LARGE1: variants seen among roughly 807,000 people sequenced by gnomAD.
LARGE1 encodes LARGE xylosyl- and glucuronyltransferase 1.
A neutral mutation model predicts 87.6 loss-of-function variants in LARGE1; 43 were observed. The ratio of observed to expected loss-of-function variants is 0.49; its 90% CI spans 0.38 to 0.63. LARGE1 has a LOEUF of 0.63. Among genes scored for constraint, LARGE1 ranks in the 30% least tolerant of loss-of-function variants. The pLI, the probability that LARGE1 is intolerant of heterozygous loss-of-function variation, is 0.00. For synonymous variants in LARGE1, 434 were observed against 394.6 expected (o/e 1.10, Z -1.18); for missense variants, 802 against 1,000.2 (o/e 0.80, Z 2.67).
At chr22:33,774,692 T>C (rs907934449) in intron 1 of LARGE1, among the ~76,000 whole-genome samples, 1 of 152,232 alleles carries the variant, frequency 6.6e-6, no homozygotes, top group Non-Finnish European at 1.5e-5. Flanking sequence ...TAACCTAGTA[T>C]GCTTAATATA....
intron 9 of LARGE1, among the ~76,000 whole-genome samples, chr22:33,351,322 G>A (rs1433113539): frequency 6.6e-6 from 1 of 152,248 alleles, no homozygotes; most frequent in Non-Finnish European, 1.5e-5. Context: ...CTGCATCAAT[G>A]CAGAAGGCAT....
chr22:33,344,529 A>T (rs1250454147), intron 9 of LARGE1, among the ~76,000 whole-genome samples: 1 of 152,152 alleles, frequency 6.6e-6, no homozygotes, highest in Non-Finnish European at 1.5e-5. Context: ...ACTTACCGAG[A>T]GTCACACAGC....
At chr22:33,663,142 A>G (rs973268939) in intron 2 of LARGE1, among the ~76,000 whole-genome samples, 10 of 152,206 alleles carry the variant, frequency 6.6e-5, no homozygotes, top group African/African-American at 2.4e-4. Context: ...TTTTATCGAA[A>G]CCGATCAGGG....
At chr22:33,616,397 T>C (rs2079582010) in intron 4 of LARGE1, among the ~76,000 whole-genome samples, 1 of 151,994 alleles carries the variant, frequency 6.6e-6, no homozygotes, top group Non-Finnish European at 1.5e-5. Context: ...CTGGGCATGG[T>C]GGCAGGCACC....
At chr22:33,231,379 T>C (rs1925998117) in intron 11 of LARGE1, among the ~76,000 whole-genome samples, 1 of 152,232 alleles carries the variant, frequency 6.6e-6, no homozygotes, top group Non-Finnish European at 1.5e-5. Context: ...TTGATTCCTT[T>C]GTACTTCAAT....
rs1429086571 is a variant in LARGE1 at position 33,272,637 on chromosome 22, C to T, written c.*1790G>A. ...CATACATACATAAGCCTAGCTAGATCTATGCAAAAATTAGTCCTAATGGTA... is the reference window on the plus strand; with the variant it reads ...CATACATACATAAGCCTAGCTAGATTTATGCAAAAATTAGTCCTAATGGTA... On this transcript the variant is annotated 3_prime_UTR_variant, in exon 15 of 15. Coordinates refer to ENST00000397394, the MANE Select transcript of LARGE1 (RefSeq NM_133642.5). 6.6e-6 allele frequency among the ~76,000 whole-genome samples: 1 copy of T among 152,166 alleles called. No homozygotes were observed. The highest frequency in any genetic ancestry group is 2.1e-4 in the South Asian group (1 of 4,830).
At chr22:33,101,640 AT>A in the LARGE1 span, among the ~76,000 whole-genome samples, 1 of 152,178 alleles carries the variant, frequency 6.6e-6, no homozygotes, top group African/African-American at 2.4e-5. Context: ...AATGAAGCAG[AT>A]GTCTCACGAT....
intron 1 of LARGE1, among the ~76,000 whole-genome samples, chr22:33,794,180 T>C (rs2085910598): frequency 6.6e-6 from 1 of 152,308 alleles, no homozygotes; most frequent in Middle Eastern, 3.4e-3. Context: ...CCCATGTGTC[T>C]GTGCATATAA....
Position 33,274,338 on chromosome 22 carries a change from G to T in LARGE1, c.*89C>A. On this transcript the variant is annotated 3_prime_UTR_variant, in exon 15 of 15. Transcript: ENST00000397394. ...AATAAAAACAAACCGAAAAAGCATG[G>T]CTCAATTTTGAATTTGAAGGCCGGG... 7.4e-7 allele frequency: 1 copy of T among 1,347,928 alleles called. No homozygotes were observed. The highest frequency in any genetic ancestry group is 1.1e-6 in the Non-Finnish European group (1 of 939,100). The allele number at this position is 1,347,928 out of a possible 1,614,324, so 83.5% of individuals were successfully genotyped here.
At chr22:33,853,629 C>G (rs1212204180) in intron 1 of LARGE1, among the ~76,000 whole-genome samples, 1 of 152,214 alleles carries the variant, frequency 6.6e-6, no homozygotes. Context: ...ACTTCACAGA[C>G]AGTTGTGAGG....
chr22:33,843,767 C>T (rs1187496125), intron 1 of LARGE1, among the ~76,000 whole-genome samples: 2 of 152,152 alleles, frequency 1.3e-5, no homozygotes, highest in Non-Finnish European at 2.9e-5. Flanking sequence ...ATATGTGCAA[C>T]TCTGTTCCCA....
intron 9 of LARGE1, among the ~76,000 whole-genome samples, chr22:33,352,367 G>A (rs185948936): frequency 2.5e-3 from 387 of 152,254 alleles, no homozygotes; most frequent in Non-Finnish European, 4.3e-3. Context: ...AAGCTTAAAT[G>A]GAAACATTGA....
chr22:33,784,430 T>C (rs1443828403), intron 1 of LARGE1, among the ~76,000 whole-genome samples: 1 of 152,168 alleles, frequency 6.6e-6, no homozygotes, highest in East Asian at 1.9e-4. Flanking sequence ...AGAATGTCTA[T>C]TTGTCACCAT....
chr22:33,915,012 A>AACAC (rs71320998), intron 1 of LARGE1, among the ~76,000 whole-genome samples: 5,640 of 139,086 alleles, frequency 0.041, 154 homozygotes, highest in Middle Eastern at 0.069. Flanking sequence ...TACAAACACA[A>AACAC]ACACACACAC....
chr22:33,574,467 A>G (rs2078293259), intron 5 of LARGE1, among the ~76,000 whole-genome samples: 1 of 151,592 alleles, frequency 6.6e-6, no homozygotes. Flanking sequence ...TTTTTTTTTC[A>G]AGTGTTTTCA....
chr22:33,597,073 T>C (rs2078996174), intron 5 of LARGE1, among the ~76,000 whole-genome samples: 1 of 152,128 alleles, frequency 6.6e-6, no homozygotes, highest in African/African-American at 2.4e-5. Flanking sequence ...CAGGTCCAGC[T>C]TCACTGGAGC....
At chr22:33,182,970 T>C (rs1923252934) in intron 11 of LARGE1, among the ~76,000 whole-genome samples, 1 of 152,146 alleles carries the variant, frequency 6.6e-6, no homozygotes, top group South Asian at 2.1e-4. Flanking sequence ...GGTGGGATTA[T>C]ATCAAACTAA....
At chr22:33,772,053 G>A (rs1404027853) in intron 1 of LARGE1, among the ~76,000 whole-genome samples, 1 of 152,176 alleles carries the variant, frequency 6.6e-6, no homozygotes, top group African/African-American at 2.4e-5. Flanking sequence ...CTCAGTGTTG[G>A]CCAGGCGCGG....
chr22:33,920,532 G>C (rs2065917267), upstream of LARGE1: 1 of 145,228 alleles, frequency 6.9e-6, no homozygotes, highest in African/African-American at 2.5e-5. Flanking sequence ...CGGCCGCGGC[G>C]CGCTCTCCCC....
Sources: allele counts gnomAD v4.1 joint callset (sites outside exome capture counted in the v4.1 genomes callset), GRCh38; gene constraint gnomAD v4.1.1; transcripts MANE v1.5; gene names NCBI Gene and HGNC (gene_info 2026-07-23, HGNC 2026-07-21).